PCLO: variants seen among roughly 807,000 people sequenced by gnomAD.
PCLO encodes the protein protein piccolo.
In PCLO, 82 loss-of-function variants were observed where a neutral mutation model predicts 427.5. The observed-to-expected ratio is 0.19, with a 90% CI of 0.16 to 0.23. The LOEUF (loss-of-function observed/expected upper bound fraction) is 0.23, where lower values mean the gene tolerates loss of function less well. Ranked by LOEUF, PCLO falls within the 10% of genes least tolerant of loss-of-function variation. The pLI, the probability that PCLO is intolerant of heterozygous loss-of-function variation, is 1.00. For missense variants in PCLO, 6,239 were observed against 6,115.9 expected (o/e 1.02, Z -0.67); for synonymous variants, 2,357 against 2,155.4 (o/e 1.09, Z -2.59).
rs1318866880 is a variant in PCLO, at chr7:82,879,480, C to T, written c.13529-18G>A. 6.5e-7 allele frequency: 1 copy of T among 1,548,486 alleles called. No homozygotes were observed. Among genetic ancestry groups the T allele is most frequent in the African/African-American group, 1.4e-5 (1 of 73,382 alleles). ...TCCATTACCTGTATTAAACAATTAGCAAATTATTAGTACTAATTTAAGAAG... is the reference window on the plus strand; with the variant it reads ...TCCATTACCTGTATTAAACAATTAGTAAATTATTAGTACTAATTTAAGAAG... On this transcript the variant is annotated intron_variant, in intron 9 of 24. Coordinates refer to ENST00000333891, the MANE Select transcript of PCLO (RefSeq NM_033026.6).
chr7:82,947,815 A>G (rs1420339654), intron 6 of PCLO, among the ~76,000 whole-genome samples: 2 of 152,146 alleles, frequency 1.3e-5, no homozygotes, highest in Non-Finnish European at 2.9e-5. Flanking sequence ...TTTACAACCC[A>G]TTGTATCAAT....
chr7:83,091,305 C>T (rs773041466), intron 3 of PCLO, among the ~76,000 whole-genome samples: 1 of 152,016 alleles, frequency 6.6e-6, no homozygotes, highest in Non-Finnish European at 1.5e-5. Flanking sequence ...ACACTCATTT[C>T]GAAGTATATC....
chr7:82,774,796 T>C (rs1280694441), intron 22 of PCLO, among the ~76,000 whole-genome samples: 2 of 152,160 alleles, frequency 1.3e-5, no homozygotes, highest in East Asian at 1.9e-4. Flanking sequence ...TTCATTCTTG[T>C]TGTACATTCC....
chr7:82,905,048 G>C (rs1421220746), intron 8 of PCLO, among the ~76,000 whole-genome samples: 1 of 152,084 alleles, frequency 6.6e-6, no homozygotes, highest in East Asian at 1.9e-4. Flanking sequence ...TCCTGTAGCA[G>C]ATGGGGTTAC....
intron 2 of PCLO, among the ~76,000 whole-genome samples, chr7:83,154,395 C>T (rs991100661): frequency 1.3e-5 from 2 of 152,000 alleles, no homozygotes; most frequent in Admixed American, 1.3e-4. Context: ...TTTATGAATA[C>T]CAAAATTTTG....
chr7:83,062,526 C>T (rs1443505274), intron 3 of PCLO, among the ~76,000 whole-genome samples: 2 of 152,048 alleles, frequency 1.3e-5, no homozygotes, highest in Non-Finnish European at 2.9e-5. Context: ...AAGTAGATTA[C>T]TTAAATAAAA....
intron 9 of PCLO, among the ~76,000 whole-genome samples, chr7:82,882,567 A>G (rs1374196428): frequency 6.6e-6 from 1 of 152,172 alleles, no homozygotes; most frequent in Non-Finnish European, 1.5e-5. Context: ...AGTTATGGTA[A>G]TTTCACAATA....
intron 17 of PCLO, 76 bp from the exon 18 acceptor site, chr7:82,826,736 T>C (rs1791955569): frequency 2.4e-6 from 2 of 845,132 alleles, no homozygotes; most frequent in African/African-American, 1.7e-5. Flanking sequence ...ACAGTAGACA[T>C]ATTTATTTTT....
chr7:82,993,998 T>C (rs1475554138), intron 3 of PCLO, among the ~76,000 whole-genome samples: 3 of 151,914 alleles, frequency 2.0e-5, no homozygotes, highest in Non-Finnish European at 2.9e-5. Context: ...GATAAATAAT[T>C]GGGAAAGGTA....
intron 9 of PCLO, among the ~76,000 whole-genome samples, chr7:82,889,558 A>C (rs147423132): frequency 5.3e-4 from 81 of 152,298 alleles, no homozygotes; most frequent in Non-Finnish European, 1.1e-3. Flanking sequence ...TCTGATAAGC[A>C]ATTTGAGAAG....
At chr7:83,074,216 A>G (rs1237043677) in intron 3 of PCLO, among the ~76,000 whole-genome samples, 2 of 151,940 alleles carry the variant, frequency 1.3e-5, no homozygotes, top group African/African-American at 4.8e-5. Context: ...TACAAGGTTC[A>G]TTCAGGCCAG....
At chr7:83,111,801 C>T (rs564553347) in intron 3 of PCLO, among the ~76,000 whole-genome samples, 1 of 152,238 alleles carries the variant, frequency 6.6e-6, no homozygotes, top group Admixed American at 6.5e-5. Context: ...ATAAAATTAA[C>T]ATTGTTGCAG....
At chr7:83,019,733 C>G (rs1788295700) in intron 3 of PCLO, among the ~76,000 whole-genome samples, 1 of 152,062 alleles carries the variant, frequency 6.6e-6, no homozygotes, top group African/African-American at 2.4e-5. Flanking sequence ...CTTTATTACT[C>G]TTTATCTCTA....
At chr7:82,939,963 G>C (rs1212719240) in intron 6 of PCLO, among the ~76,000 whole-genome samples, 3 of 151,886 alleles carry the variant, frequency 2.0e-5, no homozygotes, top group Non-Finnish European at 4.4e-5. Flanking sequence ...TCAAGGACAA[G>C]AAATACTTTA....
rs752565615 is a variant in PCLO at position 82,916,343 on chromosome 7, C to T, written c.11643G>A (p.Pro3881=). Residue 3881 remains proline (P), a synonymous_variant, in exon 7 of 25, where the codon CCG becomes CCA. Transcript: ENST00000333891. ...ACTGGTATTGTGTGTAAGGACTTGTCGGAGGAACTAGTTGAGATTCTGTTT... is the reference window on the plus strand; with the variant it reads ...ACTGGTATTGTGTGTAAGGACTTGTTGGAGGAACTAGTTGAGATTCTGTTT... ...QTQTESQLVP[P]TSPYTQYQYS... The T allele has an allele frequency of 4.3e-6, 7 of 1,613,506 alleles. No individual in the cohort carries two copies. In the East Asian group the frequency reaches 1.1e-4, roughly 26 times the overall value.
intron 3 of PCLO, among the ~76,000 whole-genome samples, chr7:83,111,310 G>T (rs1790996648): frequency 6.6e-6 from 1 of 152,068 alleles, no homozygotes; most frequent in Non-Finnish European, 1.5e-5. Flanking sequence ...GGTGAGTGTG[G>T]GTGGAAACTG....
In PCLO at chr7:82,914,706, T is replaced by C. The variant is rs1374978527; in HGVS notation, c.13280A>G (p.His4427Arg). The change falls in exon 7 of 25, where the codon CAT becomes CGT. Residue 4427 changes from histidine to arginine, a missense_variant. Coordinates refer to ENST00000333891, the MANE Select transcript of PCLO (RefSeq NM_033026.6). The part of the protein sequence containing the change: ...DIAFIMDDFQ[H>R]AMSDSEAYHL... ...TTTACCTTCACTGTCTGACATGGCA[T>C]GTTGGAAGTCATCCATGATGAATGC... The C allele has an allele frequency of 1.2e-6, 2 of 1,613,246 alleles. No homozygotes were observed. The highest frequency in any genetic ancestry group is 1.7e-6 in the Non-Finnish European group (2 of 1,179,594).
intron 6 of PCLO, among the ~76,000 whole-genome samples, chr7:82,939,846 GAA>G (rs1280047352): frequency 1.3e-5 from 2 of 151,126 alleles, no homozygotes; most frequent in African/African-American, 4.8e-5. Context: ...AAGTTTTTTT[GAA>G]AATGCCTGAA....
chr7:82,893,015 T>C (rs1264891635), intron 9 of PCLO, among the ~76,000 whole-genome samples: 1 of 152,140 alleles, frequency 6.6e-6, no homozygotes, highest in Non-Finnish European at 1.5e-5. Context: ...GACAGTGTGG[T>C]GATTCCTCAG....
Sources: allele counts gnomAD v4.1 joint callset (sites outside exome capture counted in the v4.1 genomes callset), GRCh38; gene constraint gnomAD v4.1.1; transcripts MANE v1.5; gene names NCBI Gene and HGNC (gene_info 2026-07-23, HGNC 2026-07-21).